TRPM1: variants seen among roughly 807,000 people sequenced by gnomAD.
TRPM1 encodes the protein TRPM1-203 APA Isoform, Intron 10.
TRPM1 carries 113 observed loss-of-function variants against 149.4 expected under a neutral mutation model. That is an observed-to-expected ratio of 0.76 (90% CI 0.65 to 0.88). TRPM1 has a LOEUF of 0.88. TRPM1 is among the 40% of genes least tolerant of loss of function. TRPM1 has a pLI of 0.00. For missense variants in TRPM1, 1,976 were observed against 2,038.7 expected (o/e 0.97, Z 0.59); for synonymous variants, 741 against 759.5 (o/e 0.98, Z 0.40).
intron 1 of TRPM1, among the ~76,000 whole-genome samples, chr15:31,151,428 C>T (rs1596104962): frequency 1.3e-5 from 2 of 152,212 alleles, no homozygotes; most frequent in African/African-American, 4.8e-5. Flanking sequence ...TGCCCAGCAC[C>T]CACTCCTGCC....
In TRPM1 at chr15:31,096,769, C is replaced by T. The variant is rs562947731; in HGVS notation, c.-84+4888G>A. Among the ~76,000 whole-genome samples the T allele has an allele frequency of 5.9e-5, 9 of 152,340 alleles. No individual in the cohort carries two copies. The East Asian group carries it at 9.6e-4, about 16-fold the overall frequency. ...TGCTACCCATCCAGGTCCCTGCCCT[C>T]GAGCCTCCTCTGGCAGTGCTCCCAT... On this transcript the variant is annotated intron_variant, in intron 1 of 27. Coordinates refer to ENST00000256552, the MANE Select transcript of TRPM1 (RefSeq NM_001252024.2).
rs1318997965 is a variant in TRPM1, at chr15:31,063,163, G to A, written c.920C>T (p.Ala307Val). Residue 307 changes from alanine (A) to valine (V), a missense_variant, in exon 8 of 28, where the codon GCC (alanine) becomes GTC (valine). This residue lies in a region of TRPM1 where 1,332 missense variants were observed against 1,347.1 expected (regional missense o/e 0.99). Transcript: ENST00000256552. ...GTGCGCAAAGGACAGGATGTCCGAGGCACGTCCGCTGCCATCACAAATCAC... is the reference window on the plus strand; with the variant it reads ...GTGCGCAAAGGACAGGATGTCCGAGACACGTCCGCTGCCATCACAAATCAC... ...PVVICDGSGR[A>V]SDILSFAHKY... The A allele has an allele frequency of 3.1e-6, 5 of 1,614,226 alleles. No homozygotes were observed. In the East Asian group the frequency reaches 1.1e-4, roughly 36 times the overall value.
At chr15:31,101,360 T>C (rs908081636) in intron 1 of TRPM1, among the ~76,000 whole-genome samples, 1 of 152,204 alleles carries the variant, frequency 6.6e-6, no homozygotes, top group African/African-American at 2.4e-5. Context: ...GGGTCCCTTC[T>C]GCTGAGACAG....
chr15:31,122,542 G>A (rs908983519), intron 1 of TRPM1, among the ~76,000 whole-genome samples: 3 of 152,074 alleles, frequency 2.0e-5, no homozygotes, highest in Non-Finnish European at 4.4e-5. Flanking sequence ...TATCAGATAT[G>A]AACAACTGGA....
intron 1 of TRPM1, among the ~76,000 whole-genome samples, chr15:31,120,162 T>C (rs1293904277): frequency 6.6e-6 from 1 of 152,120 alleles, no homozygotes; most frequent in Non-Finnish European, 1.5e-5. Context: ...CCATTTATAA[T>C]GTCCACTTTA....
In TRPM1 at chr15:31,111,502, T is replaced by C. The variant is rs139268348; in HGVS notation, c.55-34518A>G. 2.0e-3 allele frequency among the ~76,000 whole-genome samples: 297 copies of C among 152,302 alleles called. 1 individual carries two copies. The highest frequency in any genetic ancestry group is 8.5e-3 in the South Asian group (41 of 4,824). On this transcript the variant is annotated intron_variant, in intron 1 of 26. Transcript: ENST00000542188. ...AGATGTCTGTGTTCCTGAGAAGAAA[T>C]GTGGGCAGGAATAATGGCAAGAGAT...
intron 4 of TRPM1, 108 bp downstream of exon 4, chr15:31,069,923 T>A (rs1417400159): frequency 1.9e-6 from 3 of 1,609,782 alleles, no homozygotes; most frequent in African/African-American, 2.7e-5. Context: ...CTAGGAAGAT[T>A]GAGCCACAGC....
chr15:31,015,555 GA>G (rs1450815174), intron 27 of TRPM1, among the ~76,000 whole-genome samples: 2 of 152,058 alleles, frequency 1.3e-5, no homozygotes, highest in Admixed American at 6.6e-5. Flanking sequence ...AGATAGCACA[GA>G]AACACAAGCA....
rs557748264 is a variant in TRPM1, at chr15:31,053,106, G to A, written c.1264-2524C>T. On this transcript the variant is annotated intron_variant, in intron 11 of 27. Transcript: ENST00000256552. ...CAACCTGATTCAAAAATAGGCAAGA[G>A]ACTTGAATAGACATTTCTACAAAGC... Among the ~76,000 whole-genome samples the A allele has an allele frequency of 5.3e-5, 8 of 152,258 alleles. No homozygotes were observed. In the South Asian group the frequency reaches 1.7e-3, roughly 32 times the overall value.
At chr15:31,148,102 G>A (rs2036246069) in intron 1 of TRPM1, among the ~76,000 whole-genome samples, 1 of 152,252 alleles carries the variant, frequency 6.6e-6, no homozygotes, top group Admixed American at 6.5e-5. Context: ...TTTGTCTACT[G>A]TGTTCTCAGC....
At chr15:31,131,105 T>G (rs1026611400) in intron 1 of TRPM1, among the ~76,000 whole-genome samples, 1 of 152,172 alleles carries the variant, frequency 6.6e-6, no homozygotes, top group Non-Finnish European at 1.5e-5. Flanking sequence ...AAACGGACAA[T>G]TCATAGGTTT....
chr15:31,071,980 C>CATATAT (rs71471861), intron 3 of TRPM1, among the ~76,000 whole-genome samples: 11 of 77,248 alleles, frequency 1.4e-4, no homozygotes, highest in Admixed American at 3.4e-4. Context: ...AAAAAAAAAA[C>CATATAT]ATATATATAT....
At chr15:31,023,669 A>G (rs993170499) in intron 27 of TRPM1, among the ~76,000 whole-genome samples, 1 of 152,216 alleles carries the variant, frequency 6.6e-6, no homozygotes, top group African/African-American at 2.4e-5. Context: ...AGGTGCCACA[A>G]TGATTTGCCA....
At chr15:31,011,537 T>G (rs1286190444) in intron 27 of TRPM1, among the ~76,000 whole-genome samples, 1 of 152,148 alleles carries the variant, frequency 6.6e-6, no homozygotes, top group Non-Finnish European at 1.5e-5. Context: ...ACTACAGGCA[T>G]GCACTACCAC....
intron 10 of TRPM1, among the ~76,000 whole-genome samples, 164 bp downstream of exon 10, chr15:31,061,278 C>T (rs946222265): frequency 6.6e-6 from 1 of 152,194 alleles, no homozygotes; most frequent in Non-Finnish European, 1.5e-5. Context: ...ACAGAAACAG[C>T]GAGCCTTGTC....
At chr15:31,154,873 G>A (rs2036347424) in intron 1 of TRPM1, among the ~76,000 whole-genome samples, 2 of 151,870 alleles carry the variant, frequency 1.3e-5, no homozygotes, top group African/African-American at 4.8e-5. Flanking sequence ...TGACAGGTCT[G>A]ACTCCCTGTG....
intron 27 of TRPM1, among the ~76,000 whole-genome samples, chr15:31,023,888 G>T (rs2032631605): frequency 6.6e-6 from 1 of 152,140 alleles, no homozygotes; most frequent in South Asian, 2.1e-4. Flanking sequence ...AACTTTTTGA[G>T]AAAAAATAAA....
At chr15:31,069,672 C>G (rs2034477275) in intron 4 of TRPM1, 2 of 1,394,022 alleles carry the variant, frequency 1.4e-6, no homozygotes, top group Non-Finnish European at 1.9e-6. Flanking sequence ...TCCAAAGACT[C>G]TCAACACATC....
chr15:31,028,259 G>A (rs2032878425), intron 25 of TRPM1, 73 bp downstream of exon 25: 4 of 1,583,182 alleles, frequency 2.5e-6, no homozygotes, highest in African/African-American at 1.3e-5. Context: ...TATCTTGGGA[G>A]CGTTCTGAGA....
Sources: gnomAD v4.1 joint callset for allele counts (sites outside exome capture counted in the v4.1 genomes callset) on GRCh38, gnomAD v4.1.1 for gene constraint, gnomAD v4.1.1 regional missense constraint, MANE v1.5 for transcripts, NCBI Gene and HGNC (gene_info 2026-07-23, HGNC 2026-07-21) for gene names.